SOX5: variants seen among roughly 807,000 people sequenced by gnomAD.
SOX5 encodes the protein SRY-box transcription factor 5.
A neutral mutation model predicts 92.0 loss-of-function variants in SOX5; 9 were observed. The ratio of observed to expected loss-of-function variants is 0.10; its 90% CI spans 0.06 to 0.17. The LOEUF (loss-of-function observed/expected upper bound fraction) is 0.17, where lower values mean the gene tolerates loss of function less well. Ranked by LOEUF, SOX5 falls within the 10% of genes least tolerant of loss-of-function variation. The pLI, the probability that SOX5 is intolerant of heterozygous loss-of-function variation, is 1.00. For synonymous variants in SOX5, 344 were observed against 336.3 expected (o/e 1.02, Z -0.25); for missense variants, 642 against 944.5 (o/e 0.68, Z 4.20).
At chr12:24,188,119 G>A (rs1475561351) in intron 4 of SOX5, among the ~76,000 whole-genome samples, 1 of 152,116 alleles carries the variant, frequency 6.6e-6, no homozygotes, top group African/African-American at 2.4e-5. Flanking sequence ...ATCAAAAGCT[G>A]GGAGTGAACA....
chr12:24,066,047 C>T (rs1409690698), intron 4 of SOX5, among the ~76,000 whole-genome samples: 1 of 150,640 alleles, frequency 6.6e-6, no homozygotes, highest in Non-Finnish European at 1.5e-5. Context: ...AACTTACAGT[C>T]TAAAAAAAAA....
intron 2 of SOX5, among the ~76,000 whole-genome samples, chr12:23,895,407 T>C (rs1200305329): frequency 6.6e-6 from 1 of 152,124 alleles, no homozygotes; most frequent in African/African-American, 2.4e-5. Flanking sequence ...ATTTATCATG[T>C]TGGAAATGTT....
At chr12:24,194,405 ATAGGTAGGTAGGTAGG>A (rs771951950) in intron 4 of SOX5, among the ~76,000 whole-genome samples, 2 of 148,134 alleles carry the variant, frequency 1.4e-5, no homozygotes, top group African/African-American at 5.2e-5. Flanking sequence ...ATCTATCTAG[ATAGGTAGGTAGGTAGG>A]TAGGTAGGTA....
At chr12:24,432,523 C>T (rs1206063170) in intron 1 of SOX5, among the ~76,000 whole-genome samples, 1 of 152,060 alleles carries the variant, frequency 6.6e-6, no homozygotes, top group Non-Finnish European at 1.5e-5. Flanking sequence ...CATATAAAAT[C>T]CAGGATATCA....
At chr12:23,770,649 T>G (rs1212904765) in intron 3 of SOX5, among the ~76,000 whole-genome samples, 1 of 152,156 alleles carries the variant, frequency 6.6e-6, no homozygotes, top group Non-Finnish European at 1.5e-5. Flanking sequence ...ACAGAAATAA[T>G]GGAAGCATAA....
intron 1 of SOX5, among the ~76,000 whole-genome samples, chr12:24,420,042 A>T (rs1183598282): frequency 6.6e-6 from 1 of 152,256 alleles, no homozygotes; most frequent in African/African-American, 2.4e-5. Context: ...AAGAGATGAT[A>T]CTTTTCCATG....
At chr12:23,772,877 C>G (rs1777512880) in intron 3 of SOX5, among the ~76,000 whole-genome samples, 1 of 152,082 alleles carries the variant, frequency 6.6e-6, no homozygotes, top group African/African-American at 2.4e-5. Context: ...ATTTATTGAC[C>G]AAGTAATCGA....
Position 23,734,869 on chromosome 12 carries a change from GTGTC to G in SOX5, c.742-121_742-118del. The G allele has an allele frequency of 4.3e-6, 3 of 691,866 alleles. No individual in the cohort carries two copies. The South Asian group carries it at 5.6e-5, about 13-fold the overall frequency. 42.9% of individuals were successfully genotyped at this position (691,866 alleles called of 1,614,324 possible). On this transcript the variant is annotated intron_variant, in intron 5 of 14. Transcript: ENST00000451604. ...ACTGATTAAGATGATGAAAATAGAC[GTGTC>G]TGTGCTCCTAAATTATCAGCAATTC... is the stretch of plus-strand genomic sequence containing the variant.
chr12:23,753,980 A>G (rs2094277968), intron 4 of SOX5, among the ~76,000 whole-genome samples: 1 of 151,856 alleles, frequency 6.6e-6, no homozygotes, highest in East Asian at 1.9e-4. Flanking sequence ...TGCTTTTAAA[A>G]TGCATCAGAA....
Position 24,248,823 on chromosome 12 carries a change from TTA to T in SOX5, c.-77+28391_-77+28392del, listed in dbSNP as rs1939439513. Among the ~76,000 whole-genome samples the T allele has an allele frequency of 4.6e-5, 7 of 152,328 alleles. No individual in the cohort carries two copies. The South Asian group carries it at 1.5e-3, about 32-fold the overall frequency. ...TTCTAACTTTGGTAAGGTTACTTGTTTATGTTTTTAAGGATATTTTGTTCTAG... is the reference window on the plus strand; with the variant it reads ...TTCTAACTTTGGTAAGGTTACTTGTTTGTTTTTAAGGATATTTTGTTCTAG... On this transcript the variant is annotated intron_variant, in intron 3 of 4. Transcript: ENST00000446891.
At chr12:24,165,461 C>A (rs748823973) in intron 4 of SOX5, among the ~76,000 whole-genome samples, 1 of 152,042 alleles carries the variant, frequency 6.6e-6, no homozygotes, top group Non-Finnish European at 1.5e-5. Flanking sequence ...TTTACCAGTC[C>A]AATGGATTCA....
intron 1 of SOX5, among the ~76,000 whole-genome samples, chr12:24,561,629 G>A (rs1954352427): frequency 6.6e-6 from 1 of 152,030 alleles, no homozygotes; most frequent in Non-Finnish European, 1.5e-5. Context: ...TGAGTGAGGT[G>A]GGGGGAAAAA....
At chr12:24,202,769 T>C (rs906883241) in intron 4 of SOX5, among the ~76,000 whole-genome samples, 1 of 152,200 alleles carries the variant, frequency 6.6e-6, no homozygotes, top group African/African-American at 2.4e-5. Flanking sequence ...CAGAAATTAC[T>C]TTTTGTGCCT....
chr12:23,713,343 A>C (rs922533759), intron 6 of SOX5, among the ~76,000 whole-genome samples: 1 of 152,198 alleles, frequency 6.6e-6, no homozygotes, highest in Admixed American at 6.5e-5. Context: ...TGAGGGAATA[A>C]ATTTCACTTG....
intron 3 of SOX5, among the ~76,000 whole-genome samples, chr12:23,838,846 G>GGC (rs1568223549): frequency 5.2e-5 from 5 of 95,736 alleles, no homozygotes; most frequent in African/African-American, 1.9e-4. Flanking sequence ...TTTTTTTTGG[G>GGC]GGGGGGGGGC....
At chr12:24,377,463 C>T (rs185972664) in intron 1 of SOX5, among the ~76,000 whole-genome samples, 1 of 152,116 alleles carries the variant, frequency 6.6e-6, no homozygotes, top group East Asian at 1.9e-4. Context: ...CTAAAACTAA[C>T]TAAGAATGCA....
chr12:24,379,971 A>G (rs1303305998), intron 1 of SOX5, among the ~76,000 whole-genome samples: 1 of 151,084 alleles, frequency 6.6e-6, no homozygotes, highest in African/African-American at 2.4e-5. Context: ...CTGGGCTTGT[A>G]GAGGAATGTG....
rs572154922 is a variant in SOX5, at chr12:23,958,984, A to G, written c.-1-62960T>C. 1.7e-3 allele frequency among the ~76,000 whole-genome samples: 258 copies of G among 152,026 alleles called. 2 individuals carry two copies. The highest frequency in any genetic ancestry group is 5.6e-3 in the African/African-American group (233 of 41,556). On this transcript the variant is annotated intron_variant, in intron 4 of 4. Coordinates refer to the SOX5 transcript ENST00000446891. ...CATTGGTAACATAGACAAAATATCT[A>G]TGATGAACTCATTCACATACAAGAC... is the stretch of plus-strand genomic sequence containing the variant.
intron 1 of SOX5, among the ~76,000 whole-genome samples, chr12:24,519,158 A>T (rs987598643): frequency 1.3e-5 from 2 of 152,120 alleles, no homozygotes; most frequent in African/African-American, 4.8e-5. Context: ...AATTTTTGCT[A>T]CGTGAATTTT....
Sources: allele counts gnomAD v4.1 joint callset (sites outside exome capture counted in the v4.1 genomes callset), GRCh38; gene constraint gnomAD v4.1.1; transcripts MANE v1.5; gene names NCBI Gene and HGNC (gene_info 2026-07-23, HGNC 2026-07-21).